Variants in PACS2 observed in about 807,000 individuals in gnomAD.
PACS2 encodes the protein PACS1-like protein.
A neutral mutation model predicts 113.0 loss-of-function variants in PACS2; 36 were observed. That is an observed-to-expected ratio of 0.32 (90% CI 0.24 to 0.42). The LOEUF is 0.42. PACS2 is among the 10% of genes least tolerant of loss of function. The pLI is 1.00. For missense variants in PACS2, 1,015 were observed against 1,239.5 expected (o/e 0.82, Z 2.72); for synonymous variants, 589 against 536.1 (o/e 1.10, Z -1.36).
chr14:105,303,052 C>G (rs933993563), intron 1 of PACS2, among the ~76,000 whole-genome samples: 1 of 152,216 alleles, frequency 6.6e-6, no homozygotes, highest in Non-Finnish European at 1.5e-5. Flanking sequence ...CTTCAGCCTC[C>G]CAAGTAGCTG....
intron 4 of PACS2, among the ~76,000 whole-genome samples, chr14:105,359,533 C>T (rs1407779137): frequency 6.6e-6 from 1 of 151,364 alleles, no homozygotes; most frequent in Non-Finnish European, 1.5e-5. Flanking sequence ...GTCTTGAACT[C>T]CTGACCTCAA....
chr14:105,392,270 C>T (rs2081386051), intron 22 of PACS2: 2 of 383,538 alleles, frequency 5.2e-6, no homozygotes, highest in South Asian at 2.8e-5. Context: ...ACCCCCCCGA[C>T]CCCCCTGCCT....
In PACS2 at chr14:105,376,669, C is replaced by CT; in HGVS notation, c.802-99_802-98insT. 8.7e-7 allele frequency: 1 copy of CT among 1,150,688 alleles called. No individual in the cohort carries two copies. The highest frequency in any genetic ancestry group is 1.2e-6 in the Non-Finnish European group (1 of 808,448). 71.3% of individuals were successfully genotyped at this position (1,150,688 alleles called of 1,614,324 possible). A position where few individuals can be genotyped will look rare whatever the true frequency, so the allele number is the denominator to read the frequency against. On this transcript the variant is annotated intron_variant, in intron 8 of 24. Coordinates refer to ENST00000447393, the MANE Select transcript of PACS2 (RefSeq NM_001100913.3). This position sits in a 1 kb window ranked among gnomAD's most constrained non-coding sequence, Gnocchi z 4.7. ...TGGAGGGGTTTGGTGGCTGGGTGCC[C>CT]GCCTCCTATTGCTCCTGCAGACTCT...
At chr14:105,320,443 C>G (rs1283324037) in intron 1 of PACS2, among the ~76,000 whole-genome samples, 1 of 152,172 alleles carries the variant, frequency 6.6e-6, no homozygotes, top group African/African-American at 2.4e-5. Flanking sequence ...GACCATGGCT[C>G]AAGCAATCCT....
chr14:105,386,036 C>T (rs1252811122), intron 19 of PACS2, among the ~76,000 whole-genome samples: 4 of 152,232 alleles, frequency 2.6e-5, no homozygotes, highest in African/African-American at 9.6e-5. Context: ...GCCTGCAGGT[C>T]GGCCAGGCAG....
intron 1 of PACS2, among the ~76,000 whole-genome samples, chr14:105,303,792 T>C (rs1046308837): frequency 1.3e-5 from 2 of 152,256 alleles, no homozygotes; most frequent in African/African-American, 4.8e-5. Context: ...TTCAAATATG[T>C]ATTATTGATC....
rs60526490 is a variant in PACS2 at position 105,360,542 on chromosome 14, C to CAA, written c.423+5380_423+5381dup. 8.7e-4 allele frequency among the ~76,000 whole-genome samples: 89 copies of CAA among 101,932 alleles called. 1 individual carries two copies. Among genetic ancestry groups the CAA allele is most frequent in the African/African-American group, 2.6e-3 (81 of 30,680 alleles). 66.9% of individuals were successfully genotyped at this position (101,932 alleles called of 152,430 possible). A position where few individuals can be genotyped will look rare whatever the true frequency, so the allele number is the denominator to read the frequency against. On this transcript the variant is annotated intron_variant, in intron 4 of 24. Transcript: ENST00000447393. Reference sequence around the variant, plus strand: ...TGGGTGACAGAGTAAGACTTCCTCTCAAAAAAAAAAAAAAAAGAAAAGAAA... The same window carrying CAA: ...TGGGTGACAGAGTAAGACTTCCTCTCAAAAAAAAAAAAAAAAAAGAAAAGAAA...
Position 105,366,084 on chromosome 14 carries a change from T to G in PACS2, c.424-1129T>G, listed in dbSNP as rs2060932614. On this transcript the variant is annotated intron_variant, in intron 4 of 24. Transcript: ENST00000447393. This position sits in a 1 kb window ranked among gnomAD's most constrained non-coding sequence, Gnocchi z 4.3. ...AATCTGGTCGGCTGGGCGTGGTGGC[T>G]CACGCCTGTAATCCCAGCACTTTGG... Among the ~76,000 whole-genome samples, 1 of 151,986 alleles carries G rather than the reference T, an allele frequency of 6.6e-6. No homozygotes were observed. Among genetic ancestry groups the G allele is most frequent in the African/African-American group, 2.4e-5 (1 of 41,454 alleles).
intron 4 of PACS2, among the ~76,000 whole-genome samples, chr14:105,362,555 A>G (rs1555406911): frequency 6.6e-6 from 1 of 151,972 alleles, no homozygotes; most frequent in East Asian, 1.9e-4. Context: ...TTTTTTTTAA[A>G]TAATAAGACT....
chr14:105,324,838 A>G lies in PACS2; in HGVS notation c.119+9801A>G, dbSNP rs2059036164. Among the ~76,000 whole-genome samples, 2 of 152,100 alleles carry G rather than the reference A, an allele frequency of 1.3e-5. No individual in the cohort carries two copies. The highest frequency in any genetic ancestry group is 4.1e-4 in the South Asian group (2 of 4,834). ...GTAGCCCCAGGTCCTCTGCATGGTC[A>G]GGGGCCATGCTGGGTCCCCTGGGGT... On this transcript the variant is annotated intron_variant, in intron 1 of 24. Coordinates refer to ENST00000447393, the MANE Select transcript of PACS2 (RefSeq NM_001100913.3). This position sits in a 1 kb window ranked among gnomAD's most constrained non-coding sequence, Gnocchi z 4.7.
In PACS2 at chr14:105,392,666, C is replaced by T. The variant is rs1297522038; in HGVS notation, c.2303C>T (p.Thr768Met). 9 of 1,612,156 alleles carry T rather than the reference C, an allele frequency of 5.6e-6. No homozygotes were observed. The highest frequency in any genetic ancestry group is 2.2e-5 in the South Asian group (2 of 90,942). The change falls in exon 23 of 25, where the codon ACG becomes ATG. Residue 768 changes from threonine to methionine, a missense_variant. Around this residue, in one of 3 missense-constraint regions of PACS2, gnomAD observed 859 missense variants for 1,056.8 expected, o/e 0.81. Transcript: ENST00000447393. ...ATGGGGCTGCAGGTGGACTACTGGACGGCAGCACAGCCTGCGGACAGGAAG... is the reference window on the plus strand; with the variant it reads ...ATGGGGCTGCAGGTGGACTACTGGATGGCAGCACAGCCTGCGGACAGGAAG... ...ELMGLQVDYW[T>M]AAQPADRKRD...
chr14:105,357,160 T>C lies in PACS2; in HGVS notation c.423+1983T>C, dbSNP rs2060485246. Reference sequence around the variant, plus strand: ...AGCACTGGTGCTTCTGTGTTTGACGTCCTTGCCCTGAATGCTGGCCTCTGC... The same window carrying C: ...AGCACTGGTGCTTCTGTGTTTGACGCCCTTGCCCTGAATGCTGGCCTCTGC... On this transcript the variant is annotated intron_variant, in intron 4 of 24. Transcript: ENST00000447393. The surrounding 1 kb of genome is among the most constrained non-coding windows in gnomAD (Gnocchi z 5.1). Among the ~76,000 whole-genome samples, 1 of 152,122 alleles carries C rather than the reference T, an allele frequency of 6.6e-6. No homozygotes were observed. Among genetic ancestry groups the C allele is most frequent in the Admixed American group, 6.5e-5 (1 of 15,276 alleles).
chr14:105,341,703 TTTTA>T (rs2059731168), intron 1 of PACS2, among the ~76,000 whole-genome samples: 1 of 152,224 alleles, frequency 6.6e-6, no homozygotes, highest in South Asian at 2.1e-4. Context: ...TTATTCCTTA[TTTTA>T]TTTATTTATG....
chr14:105,383,569 G>A (rs144564354), intron 16 of PACS2, 56 bp downstream of exon 16: 652 of 1,501,750 alleles, frequency 4.3e-4, no homozygotes, highest in Admixed American at 5.3e-4. Flanking sequence ...GCAGTGTGGC[G>A]TGGCATGGAG....
intron 12 of PACS2, 82 bp downstream of exon 12, chr14:105,381,181 G>GC: frequency 7.8e-7 from 1 of 1,282,642 alleles, no homozygotes; most frequent in Non-Finnish European, 1.1e-6. Context: ...CGGGGTGGGT[G>GC]CGTGTCAGTC....
intron 24 of PACS2, among the ~76,000 whole-genome samples, chr14:105,393,881 G>A (rs376004889): frequency 1.3e-5 from 2 of 151,954 alleles, no homozygotes; most frequent in Non-Finnish European, 2.9e-5. Context: ...GCGAGCCACC[G>A]CACCTGGCCT....
intron 16 of PACS2, chr14:105,384,111 C>T (rs1221782682): frequency 6.6e-5 from 34 of 517,762 alleles, no homozygotes; most frequent in East Asian, 3.4e-5. Context: ...CCCTGCTGGG[C>T]CTTCCTCAGT....
chr14:105,333,976 A>G (rs948672219), intron 1 of PACS2, among the ~76,000 whole-genome samples: 1 of 152,182 alleles, frequency 6.6e-6, no homozygotes, highest in Non-Finnish European at 1.5e-5. Flanking sequence ...GGCAGGGCCC[A>G]TTCCTGCTGG....
intron 1 of PACS2, among the ~76,000 whole-genome samples, chr14:105,341,819 T>C (rs933486047): frequency 2.0e-5 from 3 of 152,190 alleles, no homozygotes; most frequent in Admixed American, 2.0e-4. Flanking sequence ...GAGACAGGCC[T>C]GAGAGGGGCA....
Sources: allele counts gnomAD v4.1 joint callset (sites outside exome capture counted in the v4.1 genomes callset), GRCh38; gene constraint gnomAD v4.1.1; regional missense constraint gnomAD v4.1.1; non-coding constraint Gnocchi (gnomAD v3.1); transcripts MANE v1.5; gene names NCBI Gene and HGNC (gene_info 2026-07-23, HGNC 2026-07-21).